The following CUX1 variants were observed in gnomAD, a reference collection of about 807,000 sequenced individuals.
CUX1 encodes the protein protein CASP.
In CUX1, 31 loss-of-function variants were observed where a neutral mutation model predicts 158.8. The observed-to-expected ratio is 0.20, with a 90% CI of 0.15 to 0.26. The LOEUF (loss-of-function observed/expected upper bound fraction) is 0.26, where lower values mean the gene tolerates loss of function less well. CUX1 is among the 10% of genes least tolerant of loss of function. The pLI is 1.00. For synonymous variants in CUX1, 879 were observed against 862.1 expected (o/e 1.02, Z -0.34); for missense variants, 1,589 against 2,014.6 (o/e 0.79, Z 4.04).
intron 2 of CUX1, among the ~76,000 whole-genome samples, chr7:101,919,206 G>A (rs1804593468): frequency 1.3e-5 from 2 of 152,008 alleles, no homozygotes; most frequent in African/African-American, 2.4e-5. Flanking sequence ...AGGTGTGTGT[G>A]TGTGGGGGGG....
intron 10 of CUX1, among the ~76,000 whole-genome samples, chr7:102,172,047 T>G (rs1007515358): frequency 1.3e-5 from 2 of 152,142 alleles, no homozygotes; most frequent in Non-Finnish European, 2.9e-5. Context: ...ATTCAATCAT[T>G]GACAATCATT....
At chr7:101,944,456 T>G (rs1009141107) in intron 2 of CUX1, among the ~76,000 whole-genome samples, 2 of 152,204 alleles carry the variant, frequency 1.3e-5, no homozygotes, top group African/African-American at 4.8e-5. Context: ...CCATCCTGGC[T>G]CACGCGGGAG....
chr7:102,132,334 A>G (rs1415051676), intron 8 of CUX1, among the ~76,000 whole-genome samples: 4 of 149,500 alleles, frequency 2.7e-5, no homozygotes, highest in South Asian at 2.1e-4. Context: ...CACGCCACGC[A>G]CACACGCATC....
At chr7:102,080,542 C>G (rs1827265001) in intron 4 of CUX1, among the ~76,000 whole-genome samples, 1 of 152,184 alleles carries the variant, frequency 6.6e-6, no homozygotes, top group Admixed American at 6.5e-5. Flanking sequence ...TGGCAGGGGA[C>G]AGCCCCCATC....
At chr7:102,187,865 A>C (rs188993299) in intron 11 of CUX1, among the ~76,000 whole-genome samples, 1 of 152,074 alleles carries the variant, frequency 6.6e-6, no homozygotes, top group East Asian at 1.9e-4. Context: ...CTCCTCCCCA[A>C]AGTCTAGAAT....
intron 2 of CUX1, among the ~76,000 whole-genome samples, chr7:102,003,472 A>C (rs1415243267): frequency 6.6e-6 from 1 of 152,180 alleles, no homozygotes; most frequent in Non-Finnish European, 1.5e-5. Context: ...CCAGCCTTGC[A>C]TTCATTGTTT....
chr7:101,974,359 A>G (rs1211397002), intron 2 of CUX1, among the ~76,000 whole-genome samples: 1 of 152,182 alleles, frequency 6.6e-6, no homozygotes, highest in Non-Finnish European at 1.5e-5. Context: ...TGTCTTTCAT[A>G]GATTATCAGG....
intron 2 of CUX1, among the ~76,000 whole-genome samples, chr7:102,027,616 T>G (rs1339431274): frequency 1.3e-5 from 2 of 152,190 alleles, no homozygotes; most frequent in Non-Finnish European, 2.9e-5. Context: ...ATCCCAGCAC[T>G]TTGGGATGCT....
At chr7:101,915,870 C>T (rs964274238) in intron 1 of CUX1, among the ~76,000 whole-genome samples, 1 of 152,148 alleles carries the variant, frequency 6.6e-6, no homozygotes, top group Admixed American at 6.5e-5. Flanking sequence ...CATTGAGGCA[C>T]GACCCATGAT....
chr7:102,253,646 C>T lies in CUX1; in HGVS notation c.*4604C>T, dbSNP rs1318109923. 9 of 985,002 alleles carry T rather than the reference C, an allele frequency of 9.1e-6. No individual in the cohort carries two copies. The African/African-American group carries it at 1.6e-4, about 17-fold the overall frequency. 61.0% of individuals were successfully genotyped at this position (985,002 alleles called of 1,614,324 possible). ...TGTCCTTCTGGGAGTCACACAAAAG[C>T]AGAGAGATTTTGAACTGAGGGGCGA... On this transcript the variant is annotated 3_prime_UTR_variant, in exon 24 of 24. Transcript: ENST00000292535.
At position 102,247,123 on chromosome 7, in the gene CUX1, G is replaced by C. The variant is rs560374555; in HGVS notation, c.3888-1289G>C. 6.0e-4 allele frequency among the ~76,000 whole-genome samples: 92 copies of C among 152,196 alleles called. 1 individual carries two copies. The highest frequency in any genetic ancestry group is 1.9e-3 in the African/African-American group (78 of 41,522). The stretch of plus-strand genomic sequence containing the variant: ...GCAGGAGGATCACCTGAGCCTGGGA[G>C]GTGGAGGTTGCAGGGAGCTATGATC... On this transcript the variant is annotated intron_variant, in intron 23 of 23. Transcript: ENST00000292535.
At chr7:102,135,517 T>C (rs1266604893) in intron 8 of CUX1, among the ~76,000 whole-genome samples, 2 of 151,930 alleles carry the variant, frequency 1.3e-5, no homozygotes, top group South Asian at 2.1e-4. Flanking sequence ...CAAGTTGAAG[T>C]GGAACCATAT....
At chr7:102,055,012 T>C (rs1340095895) in intron 3 of CUX1, among the ~76,000 whole-genome samples, 1 of 152,004 alleles carries the variant, frequency 6.6e-6, no homozygotes, top group Non-Finnish European at 1.5e-5. Flanking sequence ...AGGCATTACC[T>C]TGAATGTGTA....
intron 2 of CUX1, among the ~76,000 whole-genome samples, chr7:101,983,447 G>A (rs1484598098): frequency 6.6e-6 from 1 of 152,180 alleles, no homozygotes; most frequent in East Asian, 1.9e-4. Context: ...ACCCTGGGGT[G>A]CCCTGGGCCC....
upstream of CUX1, chr7:101,816,868 C>T (rs1196847488): frequency 2.1e-6 from 2 of 972,716 alleles, no homozygotes; most frequent in African/African-American, 3.6e-5. Context: ...CGGCTGTCAC[C>T]GGCCCGGGCC....
intron 2 of CUX1, among the ~76,000 whole-genome samples, chr7:101,917,249 C>T (rs573298004): frequency 1.3e-5 from 2 of 152,314 alleles, no homozygotes; most frequent in South Asian, 2.1e-4. Context: ...TTTTTAAAAG[C>T]GGACTCATTT....
downstream of CUX1, among the ~76,000 whole-genome samples, chr7:102,261,139 T>C (rs79962445): frequency 3.1e-4 from 47 of 152,308 alleles, no homozygotes; most frequent in Non-Finnish European, 4.7e-4. Flanking sequence ...GGCCCAGCCT[T>C]AGGCAGGCAT....
At position 101,893,452 on chromosome 7, in the gene CUX1, A is replaced by C. The variant is rs191425059; in HGVS notation, c.31-22663A>C. On this transcript the variant is annotated intron_variant, in intron 1 of 23. Coordinates refer to ENST00000292535, the MANE Select transcript of CUX1 (RefSeq NM_181552.4). ...GGAAAGTTCTGGAAACATCAGCTCC[A>C]GGCTGTGGTGTGAAGCTGTCGGGCT... 3.6e-4 allele frequency among the ~76,000 whole-genome samples: 55 copies of C among 152,318 alleles called. 1 individual carries two copies. In the East Asian group the frequency reaches 8.7e-3, roughly 24 times the overall value.
intron 8 of CUX1, among the ~76,000 whole-genome samples, chr7:102,131,759 G>A (rs1833267869): frequency 6.6e-6 from 1 of 150,582 alleles, no homozygotes; most frequent in Admixed American, 6.7e-5. Context: ...TGCAACCTCT[G>A]CCTCCCAGGT....
Sources: allele counts gnomAD v4.1 joint callset (sites outside exome capture counted in the v4.1 genomes callset), GRCh38; gene constraint gnomAD v4.1.1; transcripts MANE v1.5; gene names NCBI Gene and HGNC (gene_info 2026-07-23, HGNC 2026-07-21).